Variants in KCTD1 observed in about 807,000 individuals in gnomAD.
KCTD1 encodes potassium channel tetramerization domain containing 1, also known as BTB/POZ domain-containing protein KCTD1.
Under a neutral mutation model 66.0 loss-of-function variants are expected in KCTD1, and 24 were observed. The ratio of observed to expected loss-of-function variants is 0.36; its 90% CI spans 0.26 to 0.51. The LOEUF (loss-of-function observed/expected upper bound fraction) is 0.51, where lower values mean the gene tolerates loss of function less well. KCTD1 is among the 20% of genes least tolerant of loss of function. The pLI, the probability that KCTD1 is intolerant of heterozygous loss-of-function variation, is 0.95. For missense variants in KCTD1, 943 were observed against 1,205.2 expected, an observed-to-expected ratio of 0.78 and a Z score of 3.22; for synonymous variants, 511 against 517.2, an observed-to-expected ratio of 0.99 and a Z score of 0.16.
intron 1 of KCTD1, among the ~76,000 whole-genome samples, chr18:26,502,180 G>C (rs1278529691): frequency 6.6e-6 from 1 of 152,208 alleles, no homozygotes; most frequent in East Asian, 1.9e-4. Flanking sequence ...CTCCTGAGTA[G>C]CTGGGACTAC....
intron 2 of KCTD1, among the ~76,000 whole-genome samples, chr18:26,490,340 G>A (rs1030318566): frequency 2.6e-5 from 4 of 152,124 alleles, no homozygotes; most frequent in Admixed American, 2.0e-4. Flanking sequence ...GAAGTACCTC[G>A]AGATGACCCT....
chr18:26,515,631 G>A (rs1983619274), intron 1 of KCTD1, among the ~76,000 whole-genome samples: 1 of 150,742 alleles, frequency 6.6e-6, no homozygotes. Context: ...TCAGCCTCCT[G>A]AGTGAGTAGC....
chr18:26,489,985 C>T (rs16942363), intron 2 of KCTD1, among the ~76,000 whole-genome samples: 3,134 of 152,144 alleles, frequency 0.021, 50 homozygotes, highest in African/African-American at 0.047. Context: ...ACTCGAAATA[C>T]GATGAAAAAA....
At chr18:26,648,287 T>C (rs1026604387) in intron 1 of KCTD1, among the ~76,000 whole-genome samples, 4 of 152,332 alleles carry the variant, frequency 2.6e-5, no homozygotes, top group Admixed American at 6.5e-5. Flanking sequence ...TGTGAGGCTA[T>C]AAATATCCAA....
intron 1 of KCTD1, chr18:26,599,765 T>A: frequency 6.3e-7 from 1 of 1,578,344 alleles, no homozygotes; most frequent in East Asian, 2.2e-5. Context: ...ACCCTGACTC[T>A]TTCTGGTCTT....
intron 1 of KCTD1, among the ~76,000 whole-genome samples, chr18:26,653,352 G>A (rs1988071467): frequency 6.6e-6 from 1 of 152,214 alleles, no homozygotes; most frequent in African/African-American, 2.4e-5. Context: ...CTGGAACTTC[G>A]TCTCTGTTCT....
chr18:26,525,169 T>C (rs1686725956), intron 1 of KCTD1, among the ~76,000 whole-genome samples: 1 of 152,216 alleles, frequency 6.6e-6, no homozygotes, highest in African/African-American at 2.4e-5. Context: ...TCTCTTTTTC[T>C]ATCAGTATGG....
At chr18:26,538,863 G>A (rs552134703) in intron 1 of KCTD1, among the ~76,000 whole-genome samples, 2 of 152,252 alleles carry the variant, frequency 1.3e-5, no homozygotes, top group Admixed American at 6.5e-5. Flanking sequence ...ATGTGATATA[G>A]TTTCTCAAAT....
chr18:26,526,869 T>G (rs1480621039), intron 1 of KCTD1, among the ~76,000 whole-genome samples: 1 of 90,518 alleles, frequency 1.1e-5, no homozygotes, highest in Admixed American at 1.0e-4. Context: ...ACATTTTGGG[T>G]TTTTTTTTTT....
At chr18:26,473,597 T>C (rs1198405532) in intron 3 of KCTD1, among the ~76,000 whole-genome samples, 1 of 150,370 alleles carries the variant, frequency 6.7e-6, no homozygotes, top group Non-Finnish European at 1.5e-5. Flanking sequence ...ATAATAATAG[T>C]AAAAAAGAAA....
chr18:26,611,011 T>A (rs1242133519), intron 1 of KCTD1, among the ~76,000 whole-genome samples: 1 of 152,168 alleles, frequency 6.6e-6, no homozygotes, highest in Non-Finnish European at 1.5e-5. Context: ...GTTTGGAAAG[T>A]TTTTGGTCAT....
At chr18:26,550,084 C>G (rs1250781259), upstream of KCTD1, among the ~76,000 whole-genome samples, 1 of 152,142 alleles carries the variant, frequency 6.6e-6, no homozygotes, top group African/African-American at 2.4e-5. The surrounding 1 kb of genome is among the most constrained non-coding windows in gnomAD (Gnocchi z 5.4). Context: ...GGGCCAGCTG[C>G]GAGTCCCTGG....
At chr18:26,567,154 C>T (rs577851573) in intron 1 of KCTD1, 10 of 152,266 alleles carry the variant, frequency 6.6e-5, no homozygotes, top group African/African-American at 2.4e-4. Flanking sequence ...GCCTACTCTT[C>T]CATCAATTAC....
chr18:26,650,249 T>A (rs185440063), intron 1 of KCTD1, among the ~76,000 whole-genome samples: 145 of 152,304 alleles, frequency 9.5e-4, no homozygotes, highest in Admixed American at 3.8e-3. Context: ...CTCTTGTCAA[T>A]GGCAAAAAGT....
chr18:26,549,638 C>T (rs756283459), upstream of KCTD1: 102 of 880,308 alleles, frequency 1.2e-4, no homozygotes, highest in Non-Finnish European at 1.4e-4. Context: ...CTCCCTAAGG[C>T]CCATCGGGCA....
At chr18:26,618,332 G>A (rs1199184665) in intron 1 of KCTD1, among the ~76,000 whole-genome samples, 1 of 152,158 alleles carries the variant, frequency 6.6e-6, no homozygotes, top group Non-Finnish European at 1.5e-5. Flanking sequence ...AGATGAATCA[G>A]CATATTTAGT....
intron 1 of KCTD1, among the ~76,000 whole-genome samples, chr18:26,501,981 C>CA (rs557472903): frequency 5.3e-4 from 81 of 152,350 alleles, no homozygotes; most frequent in African/African-American, 1.8e-3. Flanking sequence ...AGCAAAGGTG[C>CA]AATGTGAGCA....
chr18:26,620,348 TAAAAAAAAA>T (rs10594272), intron 1 of KCTD1, among the ~76,000 whole-genome samples: 4 of 87,214 alleles, frequency 4.6e-5, no homozygotes, highest in South Asian at 3.9e-4. Context: ...AGGTAAATCT[TAAAAAAAAA>T]AAAAAAAAAA....
At chr18:26,648,984 T>TA (rs1299160321) in intron 1 of KCTD1, among the ~76,000 whole-genome samples, 2 of 152,196 alleles carry the variant, frequency 1.3e-5, no homozygotes, top group Non-Finnish European at 2.9e-5. Context: ...ATTCAGTACT[T>TA]ACAACAACCC....
Sources: allele counts gnomAD v4.1 joint callset (sites outside exome capture counted in the v4.1 genomes callset), GRCh38; gene constraint gnomAD v4.1.1; non-coding constraint Gnocchi (gnomAD v3.1); transcripts MANE v1.5; gene names NCBI Gene and HGNC (gene_info 2026-07-23, HGNC 2026-07-21).